GPR149: variants seen among roughly 807,000 people sequenced by gnomAD.
GPR149 encodes the protein G protein-coupled receptor 149.
Under a neutral mutation model 50.2 loss-of-function variants are expected in GPR149, and 50 were observed. That is an observed-to-expected ratio of 1.00 (90% confidence interval 0.79 to 1.26). GPR149 has a LOEUF of 1.26. Ranked by LOEUF, GPR149 falls within the 50% of genes most tolerant of loss-of-function variation. GPR149 has a pLI of 0.00. For synonymous variants in GPR149, 405 were observed against 358.2 expected (o/e 1.13, Z -1.48); for missense variants, 983 against 895.4 (o/e 1.10, Z -1.25).
chr3:154,365,837 T>C (rs982601551), intron 3 of GPR149, among the ~76,000 whole-genome samples: 3 of 152,204 alleles, frequency 2.0e-5, no homozygotes, highest in African/African-American at 7.2e-5. Context: ...TCCATATTTC[T>C]ACCCACAGTC....
At chr3:154,404,745 T>G (rs1219309050) in intron 3 of GPR149, among the ~76,000 whole-genome samples, 1 of 152,172 alleles carries the variant, frequency 6.6e-6, no homozygotes, top group African/African-American at 2.4e-5. Context: ...ATCTGTAAAA[T>G]TGAGTAACAG....
rs1356938391 is a variant in GPR149 at position 154,337,812 on chromosome 3, C to T, written c.2083G>A (p.Ala695Thr). Residue 695 changes from alanine to threonine, a missense_variant, in exon 4 of 4, where the codon GCA becomes ACA. Ala to Thr is a moderately conservative substitution (Grantham distance 58). Transcript: ENST00000389740. Reference sequence around the variant, plus strand: ...TGCCTTTTACTGTTCTGCCTGTGTGCTTCTACTGTGTCTGGAATGGAGATA... The same window carrying T: ...TGCCTTTTACTGTTCTGCCTGTGTGTTTCTACTGTGTCTGGAATGGAGATA... ...INISIPDTVE[A>T]HRQNSKRQHQ... The T allele has an allele frequency of 1.9e-6, 3 of 1,614,040 alleles. No homozygotes were observed. The highest frequency in any genetic ancestry group is 1.7e-6 in the Non-Finnish European group (2 of 1,179,962).
At chr3:154,374,483 A>G (rs1714747225) in intron 3 of GPR149, among the ~76,000 whole-genome samples, 1 of 152,066 alleles carries the variant, frequency 6.6e-6, no homozygotes, top group Non-Finnish European at 1.5e-5. Context: ...CAAAAGTCCT[A>G]ATATTCCCCA....
chr3:154,392,350 C>G (rs1236319547), intron 3 of GPR149, among the ~76,000 whole-genome samples: 3 of 139,520 alleles, frequency 2.2e-5, no homozygotes, highest in Admixed American at 7.9e-5. Flanking sequence ...TAGAAAGTCT[C>G]TTAAGACAAA....
At chr3:154,407,350 A>G (rs886207098) in intron 3 of GPR149, among the ~76,000 whole-genome samples, 65 of 152,232 alleles carry the variant, frequency 4.3e-4, no homozygotes, top group African/African-American at 1.5e-3. Context: ...TTTGACTGTA[A>G]CCTGTAAGCT....
intron 3 of GPR149, among the ~76,000 whole-genome samples, chr3:154,344,418 A>G (rs1713875598): frequency 6.6e-6 from 1 of 152,246 alleles, no homozygotes. Flanking sequence ...GAAGTAGAAT[A>G]TGATACAAAA....
chr3:154,388,615 A>G (rs899443432), intron 3 of GPR149, among the ~76,000 whole-genome samples: 2 of 152,118 alleles, frequency 1.3e-5, no homozygotes, highest in Non-Finnish European at 2.9e-5. Flanking sequence ...CCTCCTTCCC[A>G]GCAATGCCTG....
chr3:154,378,779 A>C (rs72998699), intron 3 of GPR149, among the ~76,000 whole-genome samples: 3,375 of 152,066 alleles, frequency 0.022, 115 homozygotes, highest in African/African-American at 0.078. Context: ...GTGGTATCTC[A>C]TTGTGGTTTT....
chr3:154,423,112 G>A (rs1214766858), intron 2 of GPR149, among the ~76,000 whole-genome samples: 1 of 151,742 alleles, frequency 6.6e-6, no homozygotes, highest in Non-Finnish European at 1.5e-5. Flanking sequence ...TGTGTTAAAG[G>A]AGACTTCACC....
chr3:154,420,667 C>T (rs1240835199), intron 3 of GPR149, among the ~76,000 whole-genome samples: 2 of 151,778 alleles, frequency 1.3e-5, no homozygotes. Context: ...CCCTTGGAGA[C>T]TTAAGGTATA....
chr3:154,398,085 T>G (rs908592986), intron 3 of GPR149, among the ~76,000 whole-genome samples: 1 of 152,142 alleles, frequency 6.6e-6, no homozygotes, highest in Non-Finnish European at 1.5e-5. Context: ...ATATACACAC[T>G]TATACACATA....
intron 3 of GPR149, among the ~76,000 whole-genome samples, chr3:154,363,448 C>A (rs537203116): frequency 6.6e-6 from 1 of 152,052 alleles, no homozygotes; most frequent in South Asian, 2.1e-4. Flanking sequence ...AGATGCTGTC[C>A]CATTGCTGCA....
At chr3:154,400,528 G>T (rs994560355) in intron 3 of GPR149, among the ~76,000 whole-genome samples, 3 of 152,090 alleles carry the variant, frequency 2.0e-5, no homozygotes, top group African/African-American at 7.2e-5. Context: ...TATATGCAAA[G>T]AACTTTAAGA....
intron 1 of GPR149, among the ~76,000 whole-genome samples, chr3:154,428,401 C>G (rs1478047853): frequency 6.6e-6 from 1 of 152,230 alleles, no homozygotes; most frequent in Non-Finnish European, 1.5e-5. Context: ...AAGCGATCCC[C>G]ATGCCCCTGA....
At position 154,428,729 on chromosome 3, in the gene GPR149, A is replaced by C; in HGVS notation, c.887T>G (p.Leu296Arg). The C allele has an allele frequency of 6.2e-7, 1 of 1,614,116 alleles. No individual in the cohort carries two copies. Among genetic ancestry groups the C allele is most frequent in the East Asian group, 2.2e-5 (1 of 44,842 alleles). Residue 296 changes from leucine to arginine, a missense_variant, in exon 1 of 4, where the codon CTC (leucine) becomes CGC (arginine). Transcript: ENST00000389740. ...EACRRENRGT[L>R]YGTRSFTVSV... ...CACGGTGAAGCTCCTGGTGCCATAGAGAGTCCCCCGGTTCTCACGCCTGCA... is the reference window on the plus strand; with the variant it reads ...CACGGTGAAGCTCCTGGTGCCATAGCGAGTCCCCCGGTTCTCACGCCTGCA...
chr3:154,362,836 C>T (rs555125773), intron 3 of GPR149, among the ~76,000 whole-genome samples: 37 of 152,230 alleles, frequency 2.4e-4, no homozygotes, highest in Admixed American at 7.8e-4. Flanking sequence ...CAAACAAACA[C>T]TATTCAAGTC....
Position 154,421,382 on chromosome 3 carries a change from T to C in GPR149, c.1280A>G (p.Tyr427Cys), listed in dbSNP as rs753303860. ...ACACTCAGAGTTCATCAGGTTGTGA[T>C]AGAATATGGAATTTTCATCATCATC... ...YYDDDENSIF[Y>C]HNLMNSECET... The change falls in exon 3 of 4, where the codon TAT (tyrosine) becomes TGT (cysteine). Residue 427 changes from tyrosine to cysteine, a missense_variant. Coordinates refer to ENST00000389740, the MANE Select transcript of GPR149 (RefSeq NM_001038705.3). 50 of 1,612,582 alleles carry C rather than the reference T, an allele frequency of 3.1e-5. No individual in the cohort carries two copies. In the South Asian group the frequency reaches 4.5e-4, roughly 15 times the overall value.
In GPR149 at chr3:154,340,801, AACCTCC is replaced by A. The variant is rs571009552; in HGVS notation, c.1624-2536_1624-2531del. ...CAATGGCGCCGTCTCGGCTCACTGC[AACCTCC>A]ACCTCCTGGGTTCAAGTGATTCTCC... On this transcript the variant is annotated intron_variant, in intron 3 of 3. Coordinates refer to ENST00000389740, the MANE Select transcript of GPR149 (RefSeq NM_001038705.3). Among the ~76,000 whole-genome samples, 247 of 152,288 alleles carry A rather than the reference AACCTCC, an allele frequency of 1.6e-3. 2 individuals carry two copies. The highest frequency in any genetic ancestry group is 2.6e-3 in the Admixed American group (40 of 15,300).
chr3:154,367,241 A>G (rs1012463388), intron 3 of GPR149, among the ~76,000 whole-genome samples: 2 of 152,166 alleles, frequency 1.3e-5, no homozygotes, highest in African/African-American at 2.4e-5. Flanking sequence ...TATTCCTAAC[A>G]TCAGAATTTG....
Sources: gnomAD v4.1 joint callset for allele counts (sites outside exome capture counted in the v4.1 genomes callset) on GRCh38, gnomAD v4.1.1 for gene constraint, MANE v1.5 for transcripts, NCBI Gene and HGNC (gene_info 2026-07-23, HGNC 2026-07-21) for gene names.